Variants in OXSR1 observed in about 807,000 individuals in gnomAD.
OXSR1 encodes the protein oxidative stress responsive kinase 1, also known as serine/threonine-protein kinase OSR1.
Under a neutral mutation model 79.8 loss-of-function variants are expected in OXSR1, and 24 were observed. The ratio of observed to expected loss-of-function variants is 0.30; its 90% CI spans 0.22 to 0.42. OXSR1 has a LOEUF of 0.42. OXSR1 is among the 10% of genes least tolerant of loss of function. The pLI is 1.00. For missense variants in OXSR1, 430 were observed against 618.4 expected (o/e 0.70, Z 3.23); for synonymous variants, 226 against 209.2 (o/e 1.08, Z -0.69).
intron 10 of OXSR1, 194 bp from the exon 11 acceptor site, chr3:38,236,645 C>A: frequency 2.6e-6 from 1 of 389,634 alleles, no homozygotes. Flanking sequence ...GCGGTTGTTA[C>A]TAAAGACAGG....
chr3:38,165,452 C>T (rs1293168180), upstream of OXSR1: 2 of 189,102 alleles, frequency 1.1e-5, no homozygotes, highest in African/African-American at 2.4e-5. Flanking sequence ...AGATGGCGGC[C>T]GGAGGCGGGC....
intron 7 of OXSR1, 21 bp from the exon 8 acceptor site, chr3:38,224,550 G>A: frequency 6.4e-7 from 1 of 1,570,370 alleles, no homozygotes; most frequent in Non-Finnish European, 8.6e-7. Flanking sequence ...CAAGTTTATA[G>A]TATATTGAAA....
intron 11 of OXSR1, 133 bp from the exon 12 acceptor site, chr3:38,242,610 A>G (rs1448214001): frequency 1.6e-5 from 8 of 491,388 alleles, no homozygotes; most frequent in Non-Finnish European, 2.6e-5. Context: ...CTTTCAGTAG[A>G]CTTGCTGGTG....
rs1021397919 is a variant in OXSR1 at position 38,253,095 on chromosome 3, C to G, written c.*204C>G. 4 of 573,916 alleles carry G rather than the reference C, an allele frequency of 7.0e-6. No individual in the cohort carries two copies. Among genetic ancestry groups the G allele is most frequent in the Admixed American group, 3.1e-5 (1 of 32,064 alleles). 35.6% of individuals were successfully genotyped at this position (573,916 alleles called of 1,614,324 possible). On this transcript the variant is annotated 3_prime_UTR_variant, in exon 18 of 18. Transcript: ENST00000311806. The stretch of plus-strand genomic sequence containing the variant: ...TTGGATCACTAGTGGCCAGCATCCC[C>G]AGAGTTCCGTTAGTAAACTTACTTC...
intron 11 of OXSR1, among the ~76,000 whole-genome samples, chr3:38,241,149 G>C (rs1004790594): frequency 2.0e-5 from 3 of 152,112 alleles, no homozygotes; most frequent in Non-Finnish European, 4.4e-5. Flanking sequence ...TTGACTAGGT[G>C]ATTAAAATTA....
intron 1 of OXSR1, among the ~76,000 whole-genome samples, chr3:38,179,965 T>A (rs985761875): frequency 6.6e-6 from 1 of 152,142 alleles, no homozygotes; most frequent in African/African-American, 2.4e-5. Context: ...TGTGCCCCCA[T>A]GCCCGGCTAA....
chr3:38,242,176 C>T (rs1188836289), intron 11 of OXSR1, among the ~76,000 whole-genome samples: 2 of 152,042 alleles, frequency 1.3e-5, no homozygotes, highest in South Asian at 2.1e-4. Flanking sequence ...TTTCCACTAC[C>T]TTTATTTTTG....
intron 3 of OXSR1, among the ~76,000 whole-genome samples, chr3:38,196,398 G>A (rs759585542): frequency 6.6e-5 from 10 of 152,090 alleles, no homozygotes; most frequent in Non-Finnish European, 1.2e-4. Context: ...GATAAGAAGC[G>A]GGGGAGCTTA....
intron 10 of OXSR1, among the ~76,000 whole-genome samples, chr3:38,235,719 A>G (rs1173587140): frequency 6.6e-6 from 1 of 152,236 alleles, no homozygotes; most frequent in Non-Finnish European, 1.5e-5. Context: ...TGGAAGCCAA[A>G]CAATGAGGCA....
intron 3 of OXSR1, among the ~76,000 whole-genome samples, chr3:38,194,300 A>G (rs976449523): frequency 2.0e-5 from 3 of 152,198 alleles, no homozygotes; most frequent in Non-Finnish European, 4.4e-5. Flanking sequence ...CTGCTGTCCC[A>G]GTGCTTTGGG....
At chr3:38,245,771 G>A (rs1273890735) in intron 12 of OXSR1, among the ~76,000 whole-genome samples, 1 of 152,140 alleles carries the variant, frequency 6.6e-6, no homozygotes, top group African/African-American at 2.4e-5. Flanking sequence ...TGATGGAAGT[G>A]TTCTAAAACG....
At chr3:38,182,708 C>G (rs1273861759) in intron 1 of OXSR1, among the ~76,000 whole-genome samples, 1 of 152,064 alleles carries the variant, frequency 6.6e-6, no homozygotes, top group Non-Finnish European at 1.5e-5. Context: ...TATTTTTAGG[C>G]TATTTAGTTG....
intron 11 of OXSR1, among the ~76,000 whole-genome samples, chr3:38,241,900 A>G (rs1424134416): frequency 6.6e-6 from 1 of 150,726 alleles, no homozygotes; most frequent in African/African-American, 2.4e-5. Flanking sequence ...TGAAATGGTG[A>G]TAAAAGTGTT....
At chr3:38,222,268 T>G (rs1702603811) in intron 6 of OXSR1, among the ~76,000 whole-genome samples, 1 of 152,154 alleles carries the variant, frequency 6.6e-6, no homozygotes, top group African/African-American at 2.4e-5. Context: ...CTGCATGCTG[T>G]GCAGGACCAG....
intron 1 of OXSR1, among the ~76,000 whole-genome samples, chr3:38,166,849 TAAAC>T (rs1386644773): frequency 6.9e-6 from 1 of 145,478 alleles, no homozygotes; most frequent in African/African-American, 2.6e-5. Context: ...ATGAAGGAGA[TAAAC>T]AAGATGTTCT....
At chr3:38,184,954 G>GTTTTT (rs1559503629) in intron 2 of OXSR1, among the ~76,000 whole-genome samples, 1 of 96,228 alleles carries the variant, frequency 1.0e-5, no homozygotes, top group Non-Finnish European at 2.0e-5. Flanking sequence ...TTTTTTTTGG[G>GTTTTT]TTTCTTTGAG....
Position 38,204,478 on chromosome 3 carries a change from A to G in OXSR1, c.434+5615A>G, listed in dbSNP as rs1702228950. Among the ~76,000 whole-genome samples the G allele has an allele frequency of 2.0e-5, 3 of 152,024 alleles. No individual in the cohort carries two copies. The South Asian group carries it at 6.2e-4, about 32-fold the overall frequency. On this transcript the variant is annotated intron_variant, in intron 4 of 17. Coordinates refer to ENST00000311806, the MANE Select transcript of OXSR1 (RefSeq NM_005109.3). ...GCCAGCACGTCTCTGAGTCTCACCT[A>G]AGGTCCACAGCAAGTACAGCTTGGC... is the stretch of plus-strand genomic sequence containing the variant.
At chr3:38,174,730 TAGG>T (rs1224891588) in intron 1 of OXSR1, among the ~76,000 whole-genome samples, 1 of 152,118 alleles carries the variant, frequency 6.6e-6, no homozygotes, top group Non-Finnish European at 1.5e-5. Context: ...TTTTTGAAGT[TAGG>T]AGGATTTGCT....
chr3:38,230,569 C>G, intron 10 of OXSR1, 139 bp downstream of exon 10: 1 of 628,370 alleles, frequency 1.6e-6, no homozygotes, highest in Non-Finnish European at 2.9e-6. Flanking sequence ...TTCTTTGATA[C>G]ATTCATTCAG....
Sources: gnomAD v4.1 joint callset for allele counts (sites outside exome capture counted in the v4.1 genomes callset) on GRCh38, gnomAD v4.1.1 for gene constraint, MANE v1.5 for transcripts, NCBI Gene and HGNC (gene_info 2026-07-23, HGNC 2026-07-21) for gene names.